ERC1: variants seen among roughly 807,000 people sequenced by gnomAD.
The protein encoded by ERC1 is ELKS/RAB6-interacting/CAST family member 1, also known as RAB6 interacting protein 2.
In ERC1, 56 loss-of-function variants were observed where a neutral mutation model predicts 132.0. That is an observed-to-expected ratio of 0.42 (90% CI 0.34 to 0.53). ERC1 has a LOEUF of 0.53. ERC1 is among the 20% of genes least tolerant of loss of function. The pLI is 0.03. For synonymous variants in ERC1, 478 were observed against 476.1 expected (o/e 1.00, Z -0.05); for missense variants, 1,202 against 1,349.9 (o/e 0.89, Z 1.72).
intron 2 of ERC1, among the ~76,000 whole-genome samples, chr12:1,062,993 G>A (rs906008998): frequency 6.6e-6 from 1 of 152,082 alleles, no homozygotes; most frequent in Non-Finnish European, 1.5e-5. Context: ...AGTCTATTTT[G>A]TTTGATATAA....
intron 16 of ERC1, chr12:1,379,911 G>C (rs11061730): frequency 0.4 from 61,338 of 151,660 alleles, 13,575 homozygotes; most frequent in African/African-American, 0.59. Context: ...ATCCTTGCAA[G>C]CCATCCTGAA....
intron 8 of ERC1, among the ~76,000 whole-genome samples, chr12:1,146,429 G>C (rs1950375619): frequency 7.5e-6 from 1 of 133,936 alleles, no homozygotes; most frequent in African/African-American, 2.7e-5. Context: ...CATTAATTTT[G>C]TATCCTGAAA....
intron 13 of ERC1, among the ~76,000 whole-genome samples, chr12:1,242,941 A>G (rs1362789486): frequency 2.0e-5 from 3 of 152,016 alleles, no homozygotes; most frequent in Non-Finnish European, 4.4e-5. Flanking sequence ...TAATCCCAGC[A>G]CTTTGGGAGG....
intron 17 of ERC1, among the ~76,000 whole-genome samples, chr12:1,426,403 C>G (rs756463462): frequency 2.0e-5 from 3 of 152,092 alleles, no homozygotes; most frequent in Admixed American, 2.0e-4. Flanking sequence ...CTTTGCCCGG[C>G]CTTTAGAACA....
intron 4 of ERC1, among the ~76,000 whole-genome samples, chr12:1,109,909 A>G (rs964959681): frequency 2.0e-5 from 3 of 152,212 alleles, no homozygotes; most frequent in Non-Finnish European, 4.4e-5. Flanking sequence ...TTAGCTGGGC[A>G]TGGTAGCGTA....
At chr12:1,405,822 G>A (rs547939613) in intron 16 of ERC1, among the ~76,000 whole-genome samples, 6 of 152,188 alleles carry the variant, frequency 3.9e-5, no homozygotes, top group Admixed American at 3.3e-4. Flanking sequence ...AAGCCAAGAC[G>A]GGGGGATCAC....
At chr12:1,157,061 T>A (rs1186091503) in intron 8 of ERC1, among the ~76,000 whole-genome samples, 3 of 152,198 alleles carry the variant, frequency 2.0e-5, no homozygotes, top group South Asian at 4.1e-4. Context: ...CAGTTTTAGG[T>A]CACACTTTGA....
chr12:1,423,551 T>C (rs2092507365), intron 17 of ERC1, among the ~76,000 whole-genome samples: 1 of 152,244 alleles, frequency 6.6e-6, no homozygotes, highest in Non-Finnish European at 1.5e-5. Context: ...TATTCTTTAA[T>C]TGTCACATAC....
At chr12:1,171,356 C>CT (rs57007848) in intron 8 of ERC1, among the ~76,000 whole-genome samples, 9,211 of 87,146 alleles carry the variant, frequency 0.11, 313 homozygotes, top group Non-Finnish European at 0.15. Flanking sequence ...GCAAAACATT[C>CT]TTTTTTTTTT....
At chr12:1,351,661 T>A (rs2085010499) in intron 15 of ERC1, among the ~76,000 whole-genome samples, 1 of 152,192 alleles carries the variant, frequency 6.6e-6, no homozygotes, top group Admixed American at 6.5e-5. Context: ...TTGTTTTATT[T>A]TTGTTTTTTA....
intron 13 of ERC1, among the ~76,000 whole-genome samples, chr12:1,254,138 A>C (rs1039354640): frequency 1.3e-5 from 2 of 152,214 alleles, no homozygotes. Context: ...ATAGCAGTTG[A>C]AGTAAAACTC....
At chr12:1,193,104 A>G (rs1472911022) in intron 12 of ERC1, among the ~76,000 whole-genome samples, 2 of 152,200 alleles carry the variant, frequency 1.3e-5, no homozygotes, top group African/African-American at 2.4e-5. Context: ...AGTGCTTCTT[A>G]TAAAAGGATC....
intron 14 of ERC1, among the ~76,000 whole-genome samples, chr12:1,269,502 G>T (rs1403737186): frequency 6.6e-6 from 1 of 152,154 alleles, no homozygotes; most frequent in African/African-American, 2.4e-5. Context: ...TTTATATAAG[G>T]CCATTCCATA....
At chr12:1,064,613 C>CA (rs752667113) in intron 2 of ERC1, among the ~76,000 whole-genome samples, 1 of 151,936 alleles carries the variant, frequency 6.6e-6, no homozygotes, top group Non-Finnish European at 1.5e-5. Context: ...AGGCTTGTGT[C>CA]AAACTCCTGG....
rs746269720 is a variant in ERC1, at chr12:1,090,866, GTTATTATTATTA to G, written c.1086+7321_1086+7332del. 8.9e-3 allele frequency among the ~76,000 whole-genome samples: 238 copies of G among 26,616 alleles called. 75 individuals carry two copies. Among genetic ancestry groups the G allele is most frequent in the African/African-American group, 0.023 (222 of 9,482 alleles). The allele number at this position is 26,616 out of a possible 152,430, so 17.5% of individuals were successfully genotyped here. On this transcript the variant is annotated intron_variant, in intron 3 of 18. Transcript: ENST00000360905. ...TATTATTGTTGTTGTTGTTGTTGTTGTTATTATTATTATTATTATTATTATTATTATTATTAT... is the reference window on the plus strand; with the variant it reads ...TATTATTGTTGTTGTTGTTGTTGTTGTTATTATTATTATTATTATTATTAT...
In ERC1 at chr12:1,083,235, G is replaced by A; in HGVS notation, c.741G>A (p.Gln247=). 6.2e-7 allele frequency: 1 copy of A among 1,614,146 alleles called. No homozygotes were observed. The highest frequency in any genetic ancestry group is 8.5e-7 in the Non-Finnish European group (1 of 1,179,988). ...AGAGGGACCTGAATCAGCTGTTTCA[G>A]CAGGATAGTAGCAGCAGGACTGGCG... ...RIQRDLNQLF[Q]QDSSSRTGEP... Residue 247 remains glutamine (Q), a synonymous_variant, in exon 3 of 19, where the codon CAG becomes CAA. Transcript: ENST00000360905.
chr12:1,309,129 T>G (rs1259018679), intron 15 of ERC1, among the ~76,000 whole-genome samples: 1 of 152,234 alleles, frequency 6.6e-6, no homozygotes, highest in Non-Finnish European at 1.5e-5. Context: ...TTTTTGTTGT[T>G]TATAAGCTAC....
At chr12:1,482,214 G>C (rs73601947) in intron 18 of ERC1, among the ~76,000 whole-genome samples, 3,736 of 152,196 alleles carry the variant, frequency 0.025, 160 homozygotes, top group African/African-American at 0.086. Flanking sequence ...GAATTGCAGT[G>C]AGCAGCCCAG....
At chr12:1,374,528 G>T (rs536400367) in intron 16 of ERC1, among the ~76,000 whole-genome samples, 24 of 152,276 alleles carry the variant, frequency 1.6e-4, no homozygotes, top group Middle Eastern at 3.4e-3. Context: ...TTCTGTGGTG[G>T]GTGCCAGCCA....
Sources: gnomAD v4.1 joint callset for allele counts (sites outside exome capture counted in the v4.1 genomes callset) on GRCh38, gnomAD v4.1.1 for gene constraint, MANE v1.5 for transcripts, NCBI Gene and HGNC (gene_info 2026-07-23, HGNC 2026-07-21) for gene names.